Variants in NETO1 observed in about 807,000 individuals in gnomAD.
The protein encoded by NETO1 is neuropilin and tolloid like 1, also known as neuropilin and tolloid-like protein 1.
A neutral mutation model predicts 61.3 loss-of-function variants in NETO1; 26 were observed. That is an observed-to-expected ratio of 0.42 (90% CI 0.31 to 0.59). NETO1 has a LOEUF of 0.59. NETO1 is among the 20% of genes least tolerant of loss of function. NETO1 has a pLI of 0.12. For synonymous variants in NETO1, 225 were observed against 225.8 expected (o/e 1.00, Z 0.03); for missense variants, 531 against 662.8 (o/e 0.80, Z 2.18).
At chr18:72,792,030 A>G (rs1050273788) in intron 6 of NETO1, among the ~76,000 whole-genome samples, 3 of 152,208 alleles carry the variant, frequency 2.0e-5, no homozygotes, top group African/African-American at 7.2e-5. Context: ...TGATCTCTGA[A>G]TCTCTGTAAC....
At chr18:72,768,850 C>T (rs530961369) in intron 7 of NETO1, among the ~76,000 whole-genome samples, 2 of 152,302 alleles carry the variant, frequency 1.3e-5, no homozygotes, top group South Asian at 2.1e-4. Flanking sequence ...CCAGTAAAAC[C>T]TGTTTTAGGA....
In NETO1 at chr18:72,748,695, A is replaced by G. The variant is rs533644444; in HGVS notation, c.*14+319T>C. Among the ~76,000 whole-genome samples, 3 of 152,186 alleles carry G rather than the reference A, an allele frequency of 2.0e-5. No homozygotes were observed. In the South Asian group the frequency reaches 6.2e-4, roughly 32 times the overall value. On this transcript the variant is annotated intron_variant, in intron 10 of 10. Transcript: ENST00000327305. ...AGTTTAAAAACCTTGGTTTTTTTCG[A>G]GTATTTCTTTGGAGATAGTTCATTA...
At chr18:72,823,547 C>A (rs2073277868) in intron 4 of NETO1, among the ~76,000 whole-genome samples, 2 of 151,844 alleles carry the variant, frequency 1.3e-5, no homozygotes, top group Non-Finnish European at 1.5e-5. Context: ...ATCAGTGAAC[C>A]CCGAGTGGCC....
rs1321548268 is a variant in NETO1 at position 72,867,418 on chromosome 18, G to GGGCCGAGAGGGA, written c.-139_-128dup. On this transcript the variant is annotated 5_prime_UTR_variant, in exon 1 of 11. Coordinates refer to ENST00000327305, the MANE Select transcript of NETO1 (RefSeq NM_138966.5). ...CGCAAAGCAAGAAGGAAATAAAGGG[G>GGGCCGAGAGGGA]GGCCGAGAGGGAGACCGAGAGGAAG... The GGGCCGAGAGGGA allele has an allele frequency of 7.0e-6, 4 of 571,718 alleles. No individual in the cohort carries two copies. The highest frequency in any genetic ancestry group is 1.1e-5 in the Non-Finnish European group (4 of 350,012). 35.4% of individuals were successfully genotyped at this position (571,718 alleles called of 1,614,324 possible). A position where few individuals can be genotyped will look rare whatever the true frequency, so the allele number is the denominator to read the frequency against.
intron 1 of NETO1, 84 bp downstream of exon 1, chr18:72,867,180 G>C (rs909636740): frequency 4.6e-6 from 5 of 1,085,294 alleles, no homozygotes; most frequent in Non-Finnish European, 6.4e-6. Flanking sequence ...GCGGCGCAGA[G>C]GCTTTTCCTG....
intron 4 of NETO1, among the ~76,000 whole-genome samples, chr18:72,826,289 G>T (rs2073370773): frequency 6.6e-6 from 1 of 152,006 alleles, no homozygotes. Flanking sequence ...TAATTGGTCT[G>T]ATATTAGCTT....
At chr18:72,782,813 A>T (rs1343572593) in intron 7 of NETO1, among the ~76,000 whole-genome samples, 1 of 152,142 alleles carries the variant, frequency 6.6e-6, no homozygotes, top group East Asian at 1.9e-4. Flanking sequence ...TCAAAAAAAA[A>T]TAATAATAAA....
chr18:72,820,357 C>T (rs943466147), intron 4 of NETO1, among the ~76,000 whole-genome samples: 1 of 152,198 alleles, frequency 6.6e-6, no homozygotes, highest in Non-Finnish European at 1.5e-5. Context: ...ATGTTGGAAA[C>T]CATTCAGACT....
intron 4 of NETO1, among the ~76,000 whole-genome samples, chr18:72,800,994 C>T (rs777006639): frequency 2.0e-5 from 3 of 152,148 alleles, no homozygotes; most frequent in African/African-American, 7.2e-5. Flanking sequence ...TTTCTAGGCT[C>T]ACATCTAGAC....
intron 4 of NETO1, among the ~76,000 whole-genome samples, chr18:72,841,733 C>CAAAAAAAAAAAAA (rs1341296691): frequency 1.4e-5 from 1 of 70,992 alleles, no homozygotes; most frequent in Non-Finnish European, 2.6e-5. Flanking sequence ...GACTCTACCT[C>CAAAAAAAAAAAAA]AACAAAAAAA....
intron 4 of NETO1, among the ~76,000 whole-genome samples, chr18:72,841,667 G>A (rs1256542077): frequency 1.5e-5 from 2 of 133,890 alleles, no homozygotes; most frequent in Non-Finnish European, 3.1e-5. Context: ...CCTGAAGGCG[G>A]AGGTTGCAGT....
chr18:72,812,301 A>C lies in NETO1; in HGVS notation c.470-17897T>G, dbSNP rs73471836. On this transcript the variant is annotated intron_variant, in intron 4 of 10. Coordinates refer to ENST00000327305, the MANE Select transcript of NETO1 (RefSeq NM_138966.5). ...GTTCACAGCTGTGACCATGGACTTAATAAACCTCCAAAAGAGGCAGCAGCT... is the reference window on the plus strand; with the variant it reads ...GTTCACAGCTGTGACCATGGACTTACTAAACCTCCAAAAGAGGCAGCAGCT... 4.6e-3 allele frequency among the ~76,000 whole-genome samples: 702 copies of C among 152,374 alleles called. 7 individuals carry two copies. Among genetic ancestry groups the C allele is most frequent in the African/African-American group, 0.016 (668 of 41,590 alleles).
intron 4 of NETO1, among the ~76,000 whole-genome samples, chr18:72,813,070 C>T (rs2072919048): frequency 6.6e-6 from 1 of 152,152 alleles, no homozygotes; most frequent in Non-Finnish European, 1.5e-5. Context: ...AGATTCACCA[C>T]CACTTACGTG....
At chr18:72,821,909 A>G (rs1474313042) in intron 4 of NETO1, among the ~76,000 whole-genome samples, 2 of 152,198 alleles carry the variant, frequency 1.3e-5, no homozygotes, top group Non-Finnish European at 2.9e-5. Context: ...TGTCTTCCTC[A>G]GCACTCAACT....
At chr18:72,771,512 C>T (rs8094135) in intron 7 of NETO1, among the ~76,000 whole-genome samples, 118,325 of 151,998 alleles carry the variant, frequency 0.78, 46,421 homozygotes, top group African/African-American at 0.87. Flanking sequence ...TATTCATCTT[C>T]GAGCCATCCA....
chr18:72,752,333 G>A (rs546376466), intron 8 of NETO1, among the ~76,000 whole-genome samples: 3 of 152,302 alleles, frequency 2.0e-5, no homozygotes, highest in African/African-American at 4.8e-5. Flanking sequence ...ACTAACAACT[G>A]GCTGCAATAC....
At chr18:72,853,881 C>G (rs1320548523) in intron 4 of NETO1, among the ~76,000 whole-genome samples, 1 of 150,874 alleles carries the variant, frequency 6.6e-6, no homozygotes, top group African/African-American at 2.4e-5. Flanking sequence ...TTTTTTCTTT[C>G]TTACCAGAGC....
downstream of NETO1, among the ~76,000 whole-genome samples, chr18:72,743,024 A>T (rs2070366601): frequency 6.6e-6 from 1 of 152,106 alleles, no homozygotes; most frequent in Non-Finnish European, 1.5e-5. Flanking sequence ...ATTCTACTGT[A>T]TTTCACTCCC....
chr18:72,856,402 C>T (rs59970665), intron 4 of NETO1, among the ~76,000 whole-genome samples: 34,018 of 152,078 alleles, frequency 0.22, 4,310 homozygotes, highest in East Asian at 0.51. Flanking sequence ...AAGTCTGAGA[C>T]ACTTGTTTTC....
Sources: allele counts gnomAD v4.1 joint callset (sites outside exome capture counted in the v4.1 genomes callset), GRCh38; gene constraint gnomAD v4.1.1; transcripts MANE v1.5; gene names NCBI Gene and HGNC (gene_info 2026-07-23, HGNC 2026-07-21).